Variants in STXBP4 observed in about 807,000 individuals in gnomAD.
STXBP4 encodes syntaxin-binding protein 4.
A neutral mutation model predicts 76.1 loss-of-function variants in STXBP4; 55 were observed. That is an observed-to-expected ratio of 0.72 (90% CI 0.58 to 0.91). The LOEUF (loss-of-function observed/expected upper bound fraction) is 0.91, where lower values mean the gene tolerates loss of function less well. STXBP4 is among the 40% of genes least tolerant of loss of function. The probability of loss-of-function intolerance (pLI) is 0.00; values close to 1 mark genes in which losing one functional copy is unlikely to be tolerated. For synonymous variants in STXBP4, 201 were observed against 220.2 expected (o/e 0.91, Z 0.77); for missense variants, 618 against 636.9 (o/e 0.97, Z 0.32).
intron 16 of STXBP4, among the ~76,000 whole-genome samples, chr17:55,092,832 A>T (rs1207129561): frequency 6.6e-6 from 1 of 152,176 alleles, no homozygotes; most frequent in Non-Finnish European, 1.5e-5. Flanking sequence ...CTTCTTTAGG[A>T]GCTAAAGCTT....
intron 12 of STXBP4, among the ~76,000 whole-genome samples, chr17:55,059,880 G>T (rs567843178): frequency 4.6e-5 from 7 of 152,050 alleles, no homozygotes; most frequent in South Asian, 2.1e-4. Flanking sequence ...AAGTCCACCA[G>T]ATTTAACAGT....
At chr17:55,048,951 A>G (rs1166151850) in intron 12 of STXBP4, among the ~76,000 whole-genome samples, 3 of 152,008 alleles carry the variant, frequency 2.0e-5, no homozygotes, top group African/African-American at 7.2e-5. Flanking sequence ...ACTGTACAAT[A>G]TATTCTAGTA....
intron 16 of STXBP4, among the ~76,000 whole-genome samples, chr17:55,082,760 A>T (rs2079272254): frequency 6.6e-6 from 1 of 152,150 alleles, no homozygotes; most frequent in South Asian, 2.1e-4. Flanking sequence ...ACAACCAAGA[A>T]TCACCTAATA....
At chr17:55,142,771 C>T (rs16955674) in intron 17 of STXBP4, among the ~76,000 whole-genome samples, 2,131 of 152,266 alleles carry the variant, frequency 0.014, 36 homozygotes, top group African/African-American at 0.048. Context: ...CTTGCAATCT[C>T]TAGCATGAAG....
chr17:55,141,346 A>T lies in STXBP4; in HGVS notation c.1526A>T (p.Asp509Val). Residue 509 changes from aspartate (D) to valine (V), a missense_variant, in exon 17 of 18, where the codon GAT becomes GTT. By Grantham distance (152) the Asp-to-Val change is radical. Coordinates refer to ENST00000376352, the MANE Select transcript of STXBP4 (RefSeq NM_178509.6). The part of the protein sequence containing the change: ...PYGWEEAYTA[D>V]GIKYFINHVT... ...GGGTGGGAGGAAGCTTACACAGCAG[A>T]TGGAATCAAGTACTTCATCAAGTAA... 6.2e-7 allele frequency: 1 copy of T among 1,612,290 alleles called. No homozygotes were observed. The highest frequency in any genetic ancestry group is 8.5e-7 in the Non-Finnish European group (1 of 1,179,028).
rs2080092521 is a variant in STXBP4 at position 55,141,343 on chromosome 17, C to A, written c.1523C>A (p.Ala508Glu). 6.2e-7 allele frequency: 1 copy of A among 1,612,106 alleles called. No individual in the cohort carries two copies. The highest frequency in any genetic ancestry group is 1.3e-5 in the African/African-American group (1 of 74,928). ...TATGGGTGGGAGGAAGCTTACACAG[C>A]AGATGGAATCAAGTACTTCATCAAG... The part of the protein sequence containing the change: ...LPYGWEEAYT[A>E]DGIKYFINHV... Residue 508 changes from alanine (A) to glutamate (E), a missense_variant, in exon 17 of 18, where the codon GCA becomes GAA. Transcript: ENST00000376352.
chr17:55,186,118 T>G, the STXBP4 span, among the ~76,000 whole-genome samples: 5 of 152,356 alleles, frequency 3.3e-5, no homozygotes, highest in South Asian at 1.0e-3. Flanking sequence ...ATGCAATTAC[T>G]TGTCTACAAA....
Position 55,004,561 on chromosome 17 carries a change from C to T in STXBP4, c.575-2945C>T, listed in dbSNP as rs149554542. ...TACAAAAATTAAAAAATTAGCTGGG[C>T]ATGGTGGCATACACCTGTGGTTCCA... On this transcript the variant is annotated intron_variant, in intron 7 of 17. Coordinates refer to ENST00000376352, the MANE Select transcript of STXBP4 (RefSeq NM_178509.6). Among the ~76,000 whole-genome samples, 503 of 152,064 alleles carry T rather than the reference C, an allele frequency of 3.3e-3. 2 individuals carry two copies. The highest frequency in any genetic ancestry group is 0.011 in the African/African-American group (468 of 41,480).
At position 55,053,892 on chromosome 17, in the gene STXBP4, G is replaced by T. The variant is rs368047367; in HGVS notation, c.1011+6738G>T. ...TTTACATTTTTCTTTTCTCCTAAAG[G>T]CTTGGAATATATAAACTTTAGAATA... On this transcript the variant is annotated intron_variant, in intron 12 of 17. Transcript: ENST00000376352. Among the ~76,000 whole-genome samples, 40 of 152,062 alleles carry T rather than the reference G, an allele frequency of 2.6e-4. 2 individuals are homozygous for T. The highest frequency in any genetic ancestry group is 8.9e-4 in the African/African-American group (37 of 41,524).
chr17:54,999,366 G>A lies in STXBP4; in HGVS notation c.202G>A (p.Asp68Asn). Reference protein sequence around the residue: ...CYKDGRLKPGDQLVSVNKESM... With the variant: ...CYKDGRLKPGNQLVSVNKESM... ...TTAGGATGGTCGTTTGAAGCCAGGA[G>A]ATCAACTTGTCTCAGTCAACAAGGA... Residue 68 changes from aspartate (D) to asparagine (N), a missense_variant, in exon 5 of 18, where the codon GAT (aspartate) becomes AAT (asparagine). Coordinates refer to ENST00000376352, the MANE Select transcript of STXBP4 (RefSeq NM_178509.6). The A allele has an allele frequency of 1.2e-6, 2 of 1,611,676 alleles. No individual in the cohort carries two copies. The highest frequency in any genetic ancestry group is 1.7e-4 in the Middle Eastern group (1 of 6,052).
At chr17:55,156,692 G>A (rs1361066188) in intron 17 of STXBP4, among the ~76,000 whole-genome samples, 1 of 152,152 alleles carries the variant, frequency 6.6e-6, no homozygotes, top group Non-Finnish European at 1.5e-5. Flanking sequence ...TTCTTCTAGT[G>A]AGTAGCTGTT....
At chr17:55,110,311 G>A (rs149310707) in intron 16 of STXBP4, among the ~76,000 whole-genome samples, 1 of 152,246 alleles carries the variant, frequency 6.6e-6, no homozygotes, top group East Asian at 1.9e-4. Context: ...ATTTTCCTTT[G>A]CCATGTTACA....
intron 17 of STXBP4, among the ~76,000 whole-genome samples, chr17:55,153,063 T>C (rs2080233966): frequency 6.6e-6 from 1 of 152,164 alleles, no homozygotes; most frequent in African/African-American, 2.4e-5. Context: ...AGATCCCGGC[T>C]CTAACATGCA....
In STXBP4 at chr17:55,170,954, G is replaced by A. The variant is rs2080402989; in HGVS notation, c.*11043G>A. On this transcript the variant is annotated 3_prime_UTR_variant, in exon 18 of 18. Transcript: ENST00000376352. ...ACAGAGAAAGACTGGGGCCAATTCT[G>A]TGATTATGGATGTCAACTTATCTCA... is the stretch of plus-strand genomic sequence containing the variant. 5 of 152,186 alleles carry A rather than the reference G, an allele frequency of 3.3e-5. No homozygotes were observed. In the South Asian group the frequency reaches 1.0e-3, roughly 32 times the overall value. 9.4% of individuals were successfully genotyped at this position (152,186 alleles called of 1,614,324 possible).
chr17:55,141,388 C>A (rs2080092980), intron 17 of STXBP4, 21 bp downstream of exon 17: 1 of 1,599,378 alleles, frequency 6.3e-7, no homozygotes, highest in African/African-American at 1.3e-5. Flanking sequence ...GCATCTCAAC[C>A]AAGTAAGCAA....
chr17:55,173,037 A>G lies in STXBP4; in HGVS notation c.*13126A>G, dbSNP rs912431897. The stretch of plus-strand genomic sequence containing the variant: ...GCTTCCAGGGCACAAAGGAAAGAGA[A>G]GTAACTGTGTCTCCTTCCCCAACCA... On this transcript the variant is annotated 3_prime_UTR_variant, in exon 18 of 18. Coordinates refer to ENST00000376352, the MANE Select transcript of STXBP4 (RefSeq NM_178509.6). 1.3e-5 allele frequency: 2 copies of G among 152,250 alleles called. No homozygotes were observed. Among genetic ancestry groups the G allele is most frequent in the African/African-American group, 2.4e-5 (1 of 41,476 alleles). 9.4% of individuals were successfully genotyped at this position (152,250 alleles called of 1,614,324 possible).
chr17:54,995,516 G>T (rs965107867), intron 4 of STXBP4, among the ~76,000 whole-genome samples: 6 of 152,162 alleles, frequency 3.9e-5, no homozygotes, highest in Non-Finnish European at 5.9e-5. Flanking sequence ...ATATCGGTAT[G>T]TAATATACTT....
chr17:54,990,706 CA>C, intron 3 of STXBP4, 118 bp from the exon 4 acceptor site: 27 of 1,249,060 alleles, frequency 2.2e-5, no homozygotes, highest in Admixed American at 5.8e-5. Context: ...TCCCTGGTAC[CA>C]AAAAAGGTGA....
At position 54,984,018 on chromosome 17, in the gene STXBP4, C is replaced by T. The variant is rs2077588111; in HGVS notation, c.-156-1596C>T. Among the ~76,000 whole-genome samples, 8 of 152,212 alleles carry T rather than the reference C, an allele frequency of 5.3e-5. No homozygotes were observed. In the South Asian group the frequency reaches 1.7e-3, roughly 32 times the overall value. The stretch of plus-strand genomic sequence containing the variant: ...TACTGACATTGTGGCTTGGTGGCTT[C>T]ATTTTTCTGGCTGCTGTTGATCTGC... On this transcript the variant is annotated intron_variant, in intron 1 of 17. Transcript: ENST00000376352.
Sources: allele counts gnomAD v4.1 joint callset (sites outside exome capture counted in the v4.1 genomes callset), GRCh38; gene constraint gnomAD v4.1.1; transcripts MANE v1.5; gene names NCBI Gene and HGNC (gene_info 2026-07-23, HGNC 2026-07-21).